Variants in PCDH9 observed in about 807,000 individuals in gnomAD.
PCDH9 encodes protocadherin 9.
In PCDH9, 24 loss-of-function variants were observed where a neutral mutation model predicts 70.6. The observed-to-expected ratio is 0.34, with a 90% CI of 0.25 to 0.48. PCDH9 has a LOEUF of 0.48. Ranked by LOEUF, PCDH9 falls within the 20% of genes least tolerant of loss-of-function variation. PCDH9 has a pLI of 0.99. For synonymous variants in PCDH9, 562 were observed against 558.5 expected (o/e 1.01, Z -0.09); for missense variants, 1,281 against 1,503.6 (o/e 0.85, Z 2.45).
At chr13:66,435,108 CTT>C (rs767726317) in intron 4 of PCDH9, among the ~76,000 whole-genome samples, 1 of 152,058 alleles carries the variant, frequency 6.6e-6, no homozygotes, top group Non-Finnish European at 1.5e-5. Context: ...ACTGCTCACT[CTT>C]TAATAAACTG....
intron 4 of PCDH9, among the ~76,000 whole-genome samples, chr13:66,444,763 G>C (rs1005911456): frequency 3.3e-5 from 5 of 151,970 alleles, no homozygotes; most frequent in Non-Finnish European, 7.4e-5. Context: ...GTTTCACCAT[G>C]TTGGCCAGGC....
chr13:66,586,224 C>T (rs1184582295), intron 4 of PCDH9, among the ~76,000 whole-genome samples: 2 of 151,932 alleles, frequency 1.3e-5, no homozygotes, highest in African/African-American at 2.4e-5. Context: ...ATTAATGACA[C>T]AATATTTGCA....
chr13:66,837,764 T>A (rs935082677), intron 3 of PCDH9, among the ~76,000 whole-genome samples: 1 of 152,206 alleles, frequency 6.6e-6, no homozygotes, highest in Non-Finnish European at 1.5e-5. Flanking sequence ...TCCAGTCATC[T>A]TTGTGTAACT....
intron 4 of PCDH9, among the ~76,000 whole-genome samples, chr13:66,618,732 T>A (rs961384506): frequency 2.3e-4 from 35 of 152,222 alleles, no homozygotes; most frequent in Admixed American, 6.5e-5. Context: ...CTCAAATTAC[T>A]ATAAACACGG....
chr13:66,429,375 CA>C (rs1957729652), intron 4 of PCDH9, among the ~76,000 whole-genome samples: 1 of 148,198 alleles, frequency 6.7e-6, no homozygotes, highest in African/African-American at 2.5e-5. Context: ...ACTATGGGAA[CA>C]AAAATCTCTG....
intron 3 of PCDH9, among the ~76,000 whole-genome samples, chr13:66,858,674 C>T (rs577501402): frequency 9.2e-5 from 14 of 152,178 alleles, no homozygotes; most frequent in African/African-American, 3.4e-4. Context: ...ATCATGGCAA[C>T]CATGAGACAG....
intron 4 of PCDH9, among the ~76,000 whole-genome samples, chr13:66,400,994 A>G (rs1957174534): frequency 6.6e-6 from 1 of 152,200 alleles, no homozygotes; most frequent in African/African-American, 2.4e-5. Context: ...AAAATTAGAA[A>G]TGACACGACT....
At chr13:67,105,851 T>C (rs1416140936) in intron 2 of PCDH9, among the ~76,000 whole-genome samples, 6 of 151,642 alleles carry the variant, frequency 4.0e-5, no homozygotes, top group Non-Finnish European at 8.8e-5. Context: ...ATAAGTAAAG[T>C]TAGTAATCTC....
At chr13:67,077,850 A>C (rs1203733599) in intron 2 of PCDH9, among the ~76,000 whole-genome samples, 1 of 152,080 alleles carries the variant, frequency 6.6e-6, no homozygotes, top group Non-Finnish European at 1.5e-5. Flanking sequence ...CAACATGCCC[A>C]CATTAAAAAA....
intron 4 of PCDH9, among the ~76,000 whole-genome samples, chr13:66,494,405 A>G (rs143139615): frequency 6.6e-6 from 1 of 152,332 alleles, no homozygotes; most frequent in East Asian, 1.9e-4. Context: ...CTGACAAACA[A>G]TGAAATGCAA....
chr13:66,396,727 C>T (rs1394077837), intron 4 of PCDH9, among the ~76,000 whole-genome samples: 4 of 152,158 alleles, frequency 2.6e-5, no homozygotes, highest in Non-Finnish European at 1.5e-5. Context: ...TAGTAACACC[C>T]TTATTCATAT....
Position 66,903,513 on chromosome 13 carries a change from G to A in PCDH9, c.3129C>T (p.Ser1043=). Reference sequence around the variant, plus strand: ...TAGATATATGGCATACCTCGTAATGGCTTTCTTCATTCTCCTGAATGTGGA... The same window carrying A: ...TAGATATATGGCATACCTCGTAATGACTTTCTTCATTCTCCTGAATGTGGA... The part of the protein sequence containing the change: ...TGFHIQENEE[S]HYESQRRVTF... The change falls in exon 3 of 5, where the codon AGC becomes AGT. Residue 1043 remains serine, a synonymous_variant. Coordinates refer to ENST00000377865, the MANE Select transcript of PCDH9 (RefSeq NM_203487.3). 1 of 1,455,650 alleles carries A rather than the reference G, an allele frequency of 6.9e-7. No individual in the cohort carries two copies. The highest frequency in any genetic ancestry group is 9.6e-7 in the Non-Finnish European group (1 of 1,037,836). The allele number at this position is 1,455,650 out of a possible 1,614,324, so 90.2% of individuals were successfully genotyped here.
chr13:66,847,193 C>T (rs1271162462), intron 3 of PCDH9, among the ~76,000 whole-genome samples: 1 of 152,152 alleles, frequency 6.6e-6, no homozygotes. Flanking sequence ...CCTAAATATT[C>T]ATGTAAAGCA....
chr13:66,933,538 C>T (rs1026191673), intron 2 of PCDH9, among the ~76,000 whole-genome samples: 1 of 152,110 alleles, frequency 6.6e-6, no homozygotes, highest in African/African-American at 2.4e-5. Context: ...ATTTATTAGA[C>T]CCCAGTATCT....
At chr13:66,992,205 C>T (rs2084016791) in intron 2 of PCDH9, among the ~76,000 whole-genome samples, 1 of 152,082 alleles carries the variant, frequency 6.6e-6, no homozygotes, top group Admixed American at 6.6e-5. Flanking sequence ...CCTAGAAAAA[C>T]AAATGTTTCG....
intron 3 of PCDH9, among the ~76,000 whole-genome samples, chr13:66,891,244 T>C (rs1018565854): frequency 2.0e-5 from 3 of 152,110 alleles, no homozygotes; most frequent in Non-Finnish European, 2.9e-5. Flanking sequence ...CCTTATTGTA[T>C]CAATATTTGT....
chr13:66,554,692 T>G (rs1864409705), intron 4 of PCDH9, among the ~76,000 whole-genome samples: 1 of 152,090 alleles, frequency 6.6e-6, no homozygotes, highest in Non-Finnish European at 1.5e-5. Context: ...GCCAATAGCA[T>G]TAAGAACTTC....
At chr13:66,544,818 T>C (rs1961114351) in intron 4 of PCDH9, among the ~76,000 whole-genome samples, 1 of 152,090 alleles carries the variant, frequency 6.6e-6, no homozygotes, top group African/African-American at 2.4e-5. Context: ...CTTATGCTAA[T>C]TAACAATTAG....
At chr13:66,430,850 A>G (rs1957759683) in intron 4 of PCDH9, among the ~76,000 whole-genome samples, 1 of 152,060 alleles carries the variant, frequency 6.6e-6, no homozygotes, top group Admixed American at 6.6e-5. Context: ...TGTGGGTATA[A>G]AAGAACCTTC....
Sources: allele counts gnomAD v4.1 joint callset (sites outside exome capture counted in the v4.1 genomes callset), GRCh38; gene constraint gnomAD v4.1.1; transcripts MANE v1.5; gene names NCBI Gene and HGNC (gene_info 2026-07-23, HGNC 2026-07-21).